ANKRD55: variants seen among roughly 807,000 people sequenced by gnomAD.
The protein encoded by ANKRD55 is ankyrin repeat domain 55.
In ANKRD55, 41 loss-of-function variants were observed where a neutral mutation model predicts 60.6. That is an observed-to-expected ratio of 0.68 (90% CI 0.53 to 0.88). The LOEUF is 0.88. ANKRD55 is among the 40% of genes least tolerant of loss of function. The pLI is 0.00. For missense variants in ANKRD55, 732 were observed against 767.6 expected, an observed-to-expected ratio of 0.95 and a Z score of 0.55; for synonymous variants, 264 against 290.3, an observed-to-expected ratio of 0.91 and a Z score of 0.92.
intron 5 of ANKRD55, among the ~76,000 whole-genome samples, chr5:56,166,158 T>TTCTTTCTTTCC (rs58740295): frequency 5.5e-5 from 4 of 72,460 alleles, no homozygotes; most frequent in Admixed American, 1.5e-4. Context: ...TTCTTTCTTC[T>TTCTTTCTTTCC]TTCCTTCCTT....
chr5:56,223,040 A>C (rs547595138), intron 2 of ANKRD55, among the ~76,000 whole-genome samples: 2 of 152,180 alleles, frequency 1.3e-5, no homozygotes, highest in African/African-American at 2.4e-5. Flanking sequence ...CAACTCCAAG[A>C]CACATAATTG....
At chr5:56,181,541 C>T (rs1293815929) in intron 3 of ANKRD55, among the ~76,000 whole-genome samples, 1 of 152,132 alleles carries the variant, frequency 6.6e-6, no homozygotes, top group East Asian at 1.9e-4. Context: ...ACCAGTCTTA[C>T]AGCCCTAACA....
chr5:56,198,854 C>A (rs1455178806), intron 2 of ANKRD55, among the ~76,000 whole-genome samples: 5 of 151,748 alleles, frequency 3.3e-5, no homozygotes, highest in Non-Finnish European at 7.4e-5. Context: ...CCGAGGCAGG[C>A]GGATCACGAG....
At chr5:56,163,092 ACTGTGAAGTCT>A in intron 5 of ANKRD55, among the ~76,000 whole-genome samples, 1 of 152,224 alleles carries the variant, frequency 6.6e-6, no homozygotes, top group South Asian at 2.1e-4. Flanking sequence ...ACTCCACTTG[ACTGTGAAGTCT>A]CTGAGATCCA....
chr5:56,189,179 G>A (rs545759929), intron 2 of ANKRD55, among the ~76,000 whole-genome samples: 34 of 151,992 alleles, frequency 2.2e-4, no homozygotes, highest in African/African-American at 8.2e-4. Context: ...TAGTTAAAGA[G>A]TTTTTTTAAT....
intron 3 of ANKRD55, 143 bp downstream of exon 3, chr5:56,183,369 A>G: frequency 9.3e-7 from 1 of 1,070,158 alleles, no homozygotes; most frequent in Non-Finnish European, 1.3e-6. Context: ...ACTTCATTAT[A>G]AGAGGCGATG....
At chr5:56,216,849 A>G (rs1417089372) in intron 2 of ANKRD55, among the ~76,000 whole-genome samples, 1 of 152,268 alleles carries the variant, frequency 6.6e-6, no homozygotes, top group Admixed American at 6.5e-5. Context: ...ATGGAAGTGA[A>G]GCAGCAAGTG....
intron 7 of ANKRD55, among the ~76,000 whole-genome samples, chr5:56,141,247 T>C (rs1229390403): frequency 6.6e-6 from 1 of 150,516 alleles, no homozygotes; most frequent in Non-Finnish European, 1.5e-5. Flanking sequence ...GGTGAGATTA[T>C]AGCCACAGCT....
chr5:56,193,594 G>A, intron 2 of ANKRD55: 1 of 323,172 alleles, frequency 3.1e-6, no homozygotes, highest in East Asian at 7.7e-5. Flanking sequence ...AATTAGTCAA[G>A]CAAACAAAAA....
intron 2 of ANKRD55, among the ~76,000 whole-genome samples, chr5:56,227,999 T>C (rs562871251): frequency 6.6e-6 from 1 of 152,298 alleles, no homozygotes; most frequent in African/African-American, 2.4e-5. Context: ...TAAATGAGAA[T>C]GGATTTTACC....
chr5:56,121,538 A>C (rs1432409658), intron 8 of ANKRD55, among the ~76,000 whole-genome samples: 2 of 151,814 alleles, frequency 1.3e-5, no homozygotes, highest in Admixed American at 1.3e-4. Context: ...ACACCCAGCT[A>C]ATTTTTGTAT....
intron 2 of ANKRD55, among the ~76,000 whole-genome samples, chr5:56,196,186 G>A (rs1319230787): frequency 6.6e-6 from 1 of 152,044 alleles, no homozygotes; most frequent in African/African-American, 2.4e-5. Flanking sequence ...CTGTAAATTA[G>A]GGATGATAAT....
chr5:56,118,590 C>T (rs1355491534), intron 8 of ANKRD55, among the ~76,000 whole-genome samples: 1 of 151,936 alleles, frequency 6.6e-6, no homozygotes, highest in Non-Finnish European at 1.5e-5. Flanking sequence ...TGCCACTGCA[C>T]TCCAGCCTGG....
At chr5:56,107,567 C>T (rs1419365356) in intron 10 of ANKRD55, among the ~76,000 whole-genome samples, 4 of 152,116 alleles carry the variant, frequency 2.6e-5, no homozygotes, top group African/African-American at 4.8e-5. Flanking sequence ...AGCAACGTGG[C>T]CAGCTAAAAG....
chr5:56,171,170 G>A (rs1758605213), intron 4 of ANKRD55, among the ~76,000 whole-genome samples: 1 of 152,160 alleles, frequency 6.6e-6, no homozygotes, highest in Non-Finnish European at 1.5e-5. Context: ...CACAAGGACA[G>A]CACCTTGCTT....
At chr5:56,200,334 G>T (rs1275165280) in intron 2 of ANKRD55, among the ~76,000 whole-genome samples, 1 of 151,880 alleles carries the variant, frequency 6.6e-6, no homozygotes, top group African/African-American at 2.4e-5. Flanking sequence ...AAAGACATAG[G>T]TATGTATTTT....
At chr5:56,203,232 T>C (rs1413326688) in intron 2 of ANKRD55, among the ~76,000 whole-genome samples, 3 of 152,320 alleles carry the variant, frequency 2.0e-5, no homozygotes, top group South Asian at 2.1e-4. Context: ...AATCCCTACA[T>C]GTTGGCGGAG....
intron 11 of ANKRD55, among the ~76,000 whole-genome samples, chr5:56,100,566 T>C (rs1254243440): frequency 1.3e-5 from 2 of 152,198 alleles, no homozygotes; most frequent in Admixed American, 1.3e-4. Flanking sequence ...TGTGTGTGCC[T>C]GGCAGAGCTC....
chr5:56,218,050 A>C (rs1350307306), intron 2 of ANKRD55, among the ~76,000 whole-genome samples: 3 of 152,234 alleles, frequency 2.0e-5, no homozygotes, highest in Admixed American at 2.0e-4. Flanking sequence ...TAGAGTTAGA[A>C]GTGAAGCCTG....
Sources: allele counts gnomAD v4.1 joint callset (sites outside exome capture counted in the v4.1 genomes callset), GRCh38; gene constraint gnomAD v4.1.1; transcripts MANE v1.5; gene names NCBI Gene and HGNC (gene_info 2026-07-23, HGNC 2026-07-21).